The following ERGIC1 variants were observed in gnomAD, a reference collection of about 807,000 sequenced individuals.
ERGIC1 encodes endoplasmic reticulum-golgi intermediate compartment 1, also known as endoplasmic reticulum-Golgi intermediate compartment protein 1.
ERGIC1 carries 19 observed loss-of-function variants against 38.3 expected under a neutral mutation model. The observed-to-expected ratio is 0.50, with a 90% confidence interval of 0.35 to 0.73. ERGIC1 has a LOEUF of 0.73. ERGIC1 is among the 30% of genes least tolerant of loss of function. The probability of loss-of-function intolerance (pLI) is 0.01; values close to 1 mark genes in which losing one functional copy is unlikely to be tolerated. For synonymous variants in ERGIC1, 124 were observed against 157.6 expected (o/e 0.79, Z 1.60); for missense variants, 294 against 389.2 (o/e 0.76, Z 2.06).
chr5:172,889,808 T>A (rs1233610260), intron 2 of ERGIC1, among the ~76,000 whole-genome samples: 1 of 152,220 alleles, frequency 6.6e-6, no homozygotes, highest in African/African-American at 2.4e-5. Context: ...ATTATACTTA[T>A]CAGTTGAGCA....
At chr5:172,864,797 T>C (rs1442147789) in intron 1 of ERGIC1, among the ~76,000 whole-genome samples, 2 of 150,836 alleles carry the variant, frequency 1.3e-5, no homozygotes, top group Non-Finnish European at 2.9e-5. Flanking sequence ...TGCTGAACAC[T>C]GTCTCATTTT....
rs1418440573 is a variant in ERGIC1, at chr5:172,837,100, G to A, written c.20+2667G>A. ...TACCGTGATTAGACCTCCTCCCCCA[G>A]TTCAAGGCCAGGGAGAAAACCAGCC... On this transcript the variant is annotated intron_variant, in intron 1 of 9. Coordinates refer to ENST00000393784, the MANE Select transcript of ERGIC1 (RefSeq NM_001031711.3). The surrounding 1 kb of genome is among the most constrained non-coding windows in gnomAD (Gnocchi z 4.3). 6.6e-6 allele frequency among the ~76,000 whole-genome samples: 1 copy of A among 152,124 alleles called. No individual in the cohort carries two copies. Among genetic ancestry groups the A allele is most frequent in the Non-Finnish European group, 1.5e-5 (1 of 68,012 alleles).
At chr5:172,928,527 T>C (rs1373920835) in intron 7 of ERGIC1, among the ~76,000 whole-genome samples, 2 of 152,224 alleles carry the variant, frequency 1.3e-5, no homozygotes, top group Non-Finnish European at 1.5e-5. Flanking sequence ...ACCTGTTTTT[T>C]CTTCCTAGCA....
intron 1 of ERGIC1, among the ~76,000 whole-genome samples, chr5:172,835,380 G>A (rs534633716): frequency 6.6e-6 from 1 of 152,296 alleles, no homozygotes; most frequent in African/African-American, 2.4e-5. Context: ...TCGGCTGGCT[G>A]ACCTCAGCAA....
intron 8 of ERGIC1, 180 bp from the exon 9 acceptor site, chr5:172,935,008 G>C: frequency 1.2e-6 from 1 of 843,342 alleles, no homozygotes; most frequent in Non-Finnish European, 1.9e-6. Context: ...AGCTGTGCAC[G>C]GCAGAGTTCA....
chr5:172,937,106 T>C (rs183968991), intron 9 of ERGIC1: 6 of 152,206 alleles, frequency 3.9e-5, no homozygotes, highest in Admixed American at 2.6e-4. Flanking sequence ...TTTGACCACA[T>C]AAAAGTTAGA....
intron 1 of ERGIC1, among the ~76,000 whole-genome samples, chr5:172,857,561 C>T (rs955237099): frequency 1.3e-5 from 2 of 151,220 alleles, no homozygotes; most frequent in Admixed American, 1.3e-4. Context: ...TCAGTTTCCT[C>T]ACCTGTAACA....
rs1581533122 is a variant in ERGIC1, at chr5:172,876,718, T to TAC, written c.21-11981_21-11980insAC. 2.6e-5 allele frequency among the ~76,000 whole-genome samples: 4 copies of TAC among 152,320 alleles called. No homozygotes were observed. In the East Asian group the frequency reaches 7.7e-4, roughly 29 times the overall value. ...GGATATCTACACCACACCCCAAAGC[T>TAC]TGCTCCTCCCTGTCCTTTCCGCTCT... On this transcript the variant is annotated intron_variant, in intron 1 of 9. Transcript: ENST00000393784.
At chr5:172,935,594 T>C in intron 9 of ERGIC1, 1 of 350,006 alleles carries the variant, frequency 2.9e-6, no homozygotes, top group Non-Finnish European at 5.3e-6. Flanking sequence ...TTCCACTAGA[T>C]GTTTAGGATT....
At chr5:172,890,316 G>A (rs1762526780) in intron 2 of ERGIC1, among the ~76,000 whole-genome samples, 1 of 152,144 alleles carries the variant, frequency 6.6e-6, no homozygotes, top group African/African-American at 2.4e-5. Context: ...AAAAGACCGA[G>A]GAACTGTCAC....
At chr5:172,906,547 G>A (rs188087823) in intron 3 of ERGIC1, among the ~76,000 whole-genome samples, 5 of 152,218 alleles carry the variant, frequency 3.3e-5, no homozygotes, top group Admixed American at 1.3e-4. Context: ...AGAGCCCACC[G>A]TTCCTTGTGA....
intron 2 of ERGIC1, among the ~76,000 whole-genome samples, chr5:172,892,969 G>C (rs1430573838): frequency 1.3e-5 from 2 of 152,060 alleles, no homozygotes; most frequent in African/African-American, 2.4e-5. Context: ...GGCTTAGTCC[G>C]AGCCTTGAAA....
At chr5:172,850,145 G>C (rs1761367550) in intron 1 of ERGIC1, among the ~76,000 whole-genome samples, 1 of 152,180 alleles carries the variant, frequency 6.6e-6, no homozygotes, top group African/African-American at 2.4e-5. Context: ...GCAGGAGCTG[G>C]TTCCACCTTT....
At chr5:172,938,443 ACT>A (rs941623743) in intron 9 of ERGIC1, among the ~76,000 whole-genome samples, 1 of 152,102 alleles carries the variant, frequency 6.6e-6, no homozygotes, top group Admixed American at 6.5e-5. Context: ...AGCAGCTGAG[ACT>A]CTGGGCATTA....
intron 9 of ERGIC1, among the ~76,000 whole-genome samples, chr5:172,946,934 C>T (rs939217240): frequency 6.6e-6 from 1 of 151,748 alleles, no homozygotes; most frequent in Admixed American, 6.6e-5. Context: ...TGTAATCCCA[C>T]CACTTTGGGG....
chr5:172,842,056 T>C (rs1317328632), intron 1 of ERGIC1, among the ~76,000 whole-genome samples: 1 of 152,166 alleles, frequency 6.6e-6, no homozygotes, highest in African/African-American at 2.4e-5. Context: ...CAGAGCACCC[T>C]CTTTTTTGAG....
intron 2 of ERGIC1, among the ~76,000 whole-genome samples, chr5:172,893,935 G>GTA (rs1554110408): frequency 0.017 from 722 of 42,796 alleles, 81 homozygotes; most frequent in African/African-American, 0.05. Context: ...GTGTGTGTGT[G>GTA]TATATATATA....
intron 1 of ERGIC1, among the ~76,000 whole-genome samples, chr5:172,870,984 T>A (rs1667463129): frequency 1.3e-5 from 2 of 152,220 alleles, no homozygotes; most frequent in Admixed American, 1.3e-4. Flanking sequence ...CCAAGATGCG[T>A]AAGACAACCT....
intron 1 of ERGIC1, among the ~76,000 whole-genome samples, chr5:172,855,234 TGG>T (rs1468350985): frequency 6.6e-6 from 1 of 151,956 alleles, no homozygotes; most frequent in East Asian, 1.9e-4. Flanking sequence ...AGGAGAGCAG[TGG>T]GGGTGGGAGA....
Sources: allele counts gnomAD v4.1 joint callset (sites outside exome capture counted in the v4.1 genomes callset), GRCh38; gene constraint gnomAD v4.1.1; non-coding constraint Gnocchi (gnomAD v3.1); transcripts MANE v1.5; gene names NCBI Gene and HGNC (gene_info 2026-07-23, HGNC 2026-07-21).